The following ADGRL2 variants were observed in gnomAD, a reference collection of about 807,000 sequenced individuals.
ADGRL2 encodes the protein calcium-independent alpha-latrotoxin receptor 2.
A neutral mutation model predicts 157.4 loss-of-function variants in ADGRL2; 44 were observed. The ratio of observed to expected loss-of-function variants is 0.28; its 90% confidence interval spans 0.22 to 0.36. The LOEUF (loss-of-function observed/expected upper bound fraction) is 0.36, where lower values mean the gene tolerates loss of function less well. ADGRL2 is among the 10% of genes least tolerant of loss of function. ADGRL2 has a pLI of 1.00. For missense variants in ADGRL2, 1,510 were observed against 1,768.9 expected (o/e 0.85, Z 2.63); for synonymous variants, 585 against 624.7 (o/e 0.94, Z 0.95).
intron 3 of ADGRL2, among the ~76,000 whole-genome samples, chr1:81,923,607 A>C (rs1288221148): frequency 6.6e-6 from 1 of 152,110 alleles, no homozygotes; most frequent in African/African-American, 2.4e-5. Flanking sequence ...AAATTTCTGT[A>C]GTTTTTATTA....
intron 1 of ADGRL2, among the ~76,000 whole-genome samples, chr1:81,392,577 A>G (rs948751875): frequency 2.6e-5 from 4 of 152,162 alleles, no homozygotes; most frequent in Admixed American, 6.6e-5. Context: ...ACCACTCTCC[A>G]TTAGATAAGC....
intron 2 of ADGRL2, among the ~76,000 whole-genome samples, chr1:81,886,799 T>C (rs1000061465): frequency 6.6e-6 from 1 of 152,206 alleles, no homozygotes; most frequent in African/African-American, 2.4e-5. Flanking sequence ...ATATACTCTT[T>C]TAAATTAAAA....
intron 3 of ADGRL2, among the ~76,000 whole-genome samples, chr1:81,934,543 C>T (rs1394298227): frequency 1.3e-5 from 2 of 151,828 alleles, no homozygotes; most frequent in African/African-American, 4.8e-5. Flanking sequence ...ACCTTAATAG[C>T]AAAGTCTTTC....
intron 1 of ADGRL2, among the ~76,000 whole-genome samples, chr1:81,419,983 T>C (rs756282610): frequency 4.6e-5 from 7 of 152,216 alleles, no homozygotes; most frequent in Non-Finnish European, 1.0e-4. Context: ...ACAGTTGTTG[T>C]CCAGCAAGCT....
chr1:81,746,962 A>ATACATACG (rs1553148521), intron 1 of ADGRL2, among the ~76,000 whole-genome samples: 2 of 147,242 alleles, frequency 1.4e-5, no homozygotes, highest in African/African-American at 5.0e-5. Flanking sequence ...ATATACGTAT[A>ATACATACG]TACACACGTA....
At chr1:81,968,251 A>G (rs1299454951) in intron 14 of ADGRL2, 52 bp downstream of exon 14, 1 of 1,472,302 alleles carries the variant, frequency 6.8e-7, no homozygotes, top group South Asian at 1.2e-5. Flanking sequence ...AGAGATTCAA[A>G]ACAGCTTGTA....
Position 81,956,028 on chromosome 1 carries a change from C to A in ADGRL2, c.1985C>A (p.Pro662Gln). 1 of 1,604,508 alleles carries A rather than the reference C, an allele frequency of 6.2e-7. No homozygotes were observed. Among genetic ancestry groups the A allele is most frequent in the South Asian group, 1.1e-5 (1 of 88,840 alleles). ...AFVLADNLLE[P>Q]TRVSMPTENI... ...GTCCTAGCTGACAATCTTTTAGAAC[C>A]AACAAGGGTCTCAATGCCCACAGAA... Residue 662 changes from proline (P) to glutamine (Q), a missense_variant, in exon 11 of 24, where the codon CCA (proline) becomes CAA (glutamine). Pro to Gln is a moderately conservative substitution (Grantham distance 76). Transcript: ENST00000686636.
intron 2 of ADGRL2, among the ~76,000 whole-genome samples, chr1:81,467,552 C>T (rs1352710116): frequency 6.6e-6 from 1 of 152,168 alleles, no homozygotes; most frequent in Admixed American, 6.5e-5. Context: ...GTCTCAAACC[C>T]TTGCATGCAG....
intron 3 of ADGRL2, among the ~76,000 whole-genome samples, chr1:81,639,337 C>T (rs1457051484): frequency 6.6e-6 from 1 of 152,082 alleles, no homozygotes; most frequent in African/African-American, 2.4e-5. Flanking sequence ...TCCCAAAGTG[C>T]TGGGGTTTCA....
At chr1:81,791,066 CAAAAAAAAAAAAAAA>C (rs11411906) in intron 2 of ADGRL2, among the ~76,000 whole-genome samples, 1 of 37,462 alleles carries the variant, frequency 2.7e-5, no homozygotes, top group Non-Finnish European at 4.3e-5. Flanking sequence ...GACCCTATCT[CAAAAAAAAAAAAAAA>C]AAAAAAAAAA....
At chr1:81,825,376 G>A (rs1030675869) in intron 1 of ADGRL2, among the ~76,000 whole-genome samples, 1 of 151,764 alleles carries the variant, frequency 6.6e-6, no homozygotes, top group Non-Finnish European at 1.5e-5. Context: ...TTGAGATGGA[G>A]TCTTGCTCTG....
chr1:81,812,335 T>A (rs2089959886), intron 1 of ADGRL2, among the ~76,000 whole-genome samples: 1 of 151,790 alleles, frequency 6.6e-6, no homozygotes, highest in Non-Finnish European at 1.5e-5. Context: ...CTAAAGAAAG[T>A]AAGGCATTTT....
chr1:81,923,975 T>C (rs368588187), intron 3 of ADGRL2, among the ~76,000 whole-genome samples: 1 of 152,284 alleles, frequency 6.6e-6, no homozygotes. Context: ...GTGCAAAATA[T>C]AGGAGATGCC....
intron 2 of ADGRL2, among the ~76,000 whole-genome samples, chr1:81,468,813 G>A (rs2078112629): frequency 6.6e-6 from 1 of 152,082 alleles, no homozygotes. Flanking sequence ...GACATACAAA[G>A]TTCTGTAATC....
Position 81,979,760 on chromosome 1 carries a change from A to G in ADGRL2, c.3022-109A>G. 3 of 635,374 alleles carry G rather than the reference A, an allele frequency of 4.7e-6. No homozygotes were observed. The South Asian group carries it at 6.2e-5, about 13-fold the overall frequency. 39.4% of individuals were successfully genotyped at this position (635,374 alleles called of 1,614,324 possible). A position where few individuals can be genotyped will look rare whatever the true frequency, so the allele number is the denominator to read the frequency against. ...CAACTTGATCATTGCATACATAAAA[A>G]AAATTATATCAGTATCTTCCATATA... is the stretch of plus-strand genomic sequence containing the variant. On this transcript the variant is annotated intron_variant, in intron 17 of 23. Transcript: ENST00000686636.
At chr1:81,844,528 G>A (rs1200357632) in intron 2 of ADGRL2, among the ~76,000 whole-genome samples, 1 of 152,080 alleles carries the variant, frequency 6.6e-6, no homozygotes, top group Admixed American at 6.6e-5. Flanking sequence ...TATTACTAAG[G>A]GAGTGTCTTA....
intron 2 of ADGRL2, among the ~76,000 whole-genome samples, chr1:81,780,829 G>T (rs911584484): frequency 2.6e-5 from 4 of 152,042 alleles, no homozygotes; most frequent in African/African-American, 7.3e-5. Flanking sequence ...TTACTTTGTT[G>T]TAGGTTTACA....
chr1:81,924,180 G>A (rs1415293569), intron 3 of ADGRL2, among the ~76,000 whole-genome samples: 1 of 152,158 alleles, frequency 6.6e-6, no homozygotes, highest in Non-Finnish European at 1.5e-5. Flanking sequence ...ATAACAGGGA[G>A]ATCCTGTTTT....
intron 1 of ADGRL2, among the ~76,000 whole-genome samples, chr1:81,392,183 G>C (rs2076571351): frequency 1.3e-5 from 2 of 149,942 alleles, no homozygotes; most frequent in South Asian, 4.2e-4. Context: ...GTGTAAAAAA[G>C]CACCAAATAT....
Sources: gnomAD v4.1 joint callset for allele counts (sites outside exome capture counted in the v4.1 genomes callset) on GRCh38, gnomAD v4.1.1 for gene constraint, MANE v1.5 for transcripts, NCBI Gene and HGNC (gene_info 2026-07-23, HGNC 2026-07-21) for gene names.